The following TMEFF1 variants were observed in gnomAD, a reference collection of about 807,000 sequenced individuals.
The protein encoded by TMEFF1 is tomoregulin-1.
TMEFF1 carries 20 observed loss-of-function variants against 47.5 expected under a neutral mutation model. The observed-to-expected ratio is 0.42, with a 90% CI of 0.30 to 0.61. TMEFF1 has a LOEUF of 0.61. Ranked by LOEUF, TMEFF1 falls within the 20% of genes least tolerant of loss-of-function variation. The pLI, the probability that TMEFF1 is intolerant of heterozygous loss-of-function variation, is 0.19. For synonymous variants in TMEFF1, 162 were observed against 166.3 expected, an observed-to-expected ratio of 0.97 and a Z score of 0.20; for missense variants, 411 against 471.1, an observed-to-expected ratio of 0.87 and a Z score of 1.18.
intron 9 of TMEFF1, 26 bp from the exon 10 acceptor site, chr9:100,576,486 TTTTC>T: frequency 6.2e-7 from 1 of 1,601,932 alleles, no homozygotes; most frequent in South Asian, 1.1e-5. Flanking sequence ...AAAACAATAT[TTTTC>T]TCTCTTTCTT....
At chr9:100,546,245 G>A (rs961096921) in intron 5 of TMEFF1, among the ~76,000 whole-genome samples, 4 of 152,126 alleles carry the variant, frequency 2.6e-5, no homozygotes, top group South Asian at 2.1e-4. Flanking sequence ...CCAGACCCAC[G>A]TGGCTGGGGA....
intron 1 of TMEFF1, among the ~76,000 whole-genome samples, chr9:100,491,349 C>G (rs1039998259): frequency 2.6e-5 from 4 of 152,154 alleles, no homozygotes; most frequent in African/African-American, 9.7e-5. Flanking sequence ...TCTCCAAATA[C>G]TACTAACATC....
chr9:100,478,717 A>G (rs1215152741), intron 1 of TMEFF1, among the ~76,000 whole-genome samples: 2 of 152,166 alleles, frequency 1.3e-5, no homozygotes, highest in East Asian at 3.8e-4. Flanking sequence ...TACATGACAT[A>G]TGTGAAGAAA....
At chr9:100,535,647 T>G (rs1838488751) in intron 5 of TMEFF1, among the ~76,000 whole-genome samples, 1 of 152,212 alleles carries the variant, frequency 6.6e-6, no homozygotes, top group Non-Finnish European at 1.5e-5. Context: ...GGCATGTGCC[T>G]GTAATCTTAG....
intron 8 of TMEFF1, among the ~76,000 whole-genome samples, chr9:100,561,914 G>A (rs1212678644): frequency 2.0e-5 from 3 of 152,130 alleles, no homozygotes; most frequent in Non-Finnish European, 4.4e-5. Context: ...ATAAGGGGAT[G>A]GGGACGAAGA....
chr9:100,558,425 G>A (rs1398109222), intron 7 of TMEFF1, among the ~76,000 whole-genome samples: 2 of 151,978 alleles, frequency 1.3e-5, no homozygotes, highest in African/African-American at 4.8e-5. Flanking sequence ...GGAATGTAGA[G>A]TGGCATTTTT....
chr9:100,517,743 C>T (rs544276241), intron 5 of TMEFF1, among the ~76,000 whole-genome samples: 3 of 152,130 alleles, frequency 2.0e-5, no homozygotes, highest in Admixed American at 6.5e-5. Flanking sequence ...TGACCCATGT[C>T]CATTCATTTC....
At chr9:100,551,560 G>T (rs1400776018) in intron 7 of TMEFF1, among the ~76,000 whole-genome samples, 1 of 152,160 alleles carries the variant, frequency 6.6e-6, no homozygotes, top group African/African-American at 2.4e-5. Context: ...GCAGTTTGGG[G>T]AATTGTGTGT....
intron 5 of TMEFF1, among the ~76,000 whole-genome samples, chr9:100,542,322 T>A (rs931528071): frequency 3.3e-5 from 5 of 152,222 alleles, no homozygotes; most frequent in African/African-American, 1.2e-4. Flanking sequence ...CTTAAAAAAA[T>A]TTAACCACAC....
intron 2 of TMEFF1, 135 bp from the exon 3 acceptor site, chr9:100,508,870 C>CT: frequency 2.5e-5 from 25 of 997,164 alleles, no homozygotes; most frequent in Non-Finnish European, 3.1e-5. Context: ...TCTTTTTAAG[C>CT]CAAAAAAAAA....
At chr9:100,502,407 G>A (rs370934850) in intron 2 of TMEFF1, among the ~76,000 whole-genome samples, 7 of 151,630 alleles carry the variant, frequency 4.6e-5, no homozygotes, top group African/African-American at 1.2e-4. Flanking sequence ...TTGCCTAGGC[G>A]GGAGTGCAGT....
intron 1 of TMEFF1, among the ~76,000 whole-genome samples, chr9:100,497,193 A>G (rs1837665910): frequency 6.6e-6 from 1 of 152,132 alleles, no homozygotes. Context: ...CCAAGGACAT[A>G]AAGCTTCCAC....
At chr9:100,573,302 T>A (rs1273571890) in intron 9 of TMEFF1, among the ~76,000 whole-genome samples, 1 of 152,156 alleles carries the variant, frequency 6.6e-6, no homozygotes, top group South Asian at 2.1e-4. Context: ...GATATCATGG[T>A]GTTAACATTA....
At chr9:100,541,433 G>A (rs896186124) in intron 5 of TMEFF1, among the ~76,000 whole-genome samples, 1 of 148,422 alleles carries the variant, frequency 6.7e-6, no homozygotes, top group East Asian at 2.0e-4. Context: ...GAGTGCAGTG[G>A]CGCTATCTTG....
In TMEFF1 at chr9:100,533,262, C is replaced by A. The variant is rs144426927; in HGVS notation, c.561-14482C>A. On this transcript the variant is annotated intron_variant, in intron 5 of 9. Coordinates refer to ENST00000374879, the MANE Select transcript of TMEFF1 (RefSeq NM_003692.5). ...ATAATAAAAAAAAAATGCCTGGATC[C>A]GATGCTATCTTTAAGGGACTTTTTA... Among the ~76,000 whole-genome samples the A allele has an allele frequency of 3.3e-5, 5 of 151,986 alleles. No individual in the cohort carries two copies. The East Asian group carries it at 9.7e-4, about 29-fold the overall frequency.
At chr9:100,489,170 C>T (rs939661523) in intron 1 of TMEFF1, among the ~76,000 whole-genome samples, 1 of 152,046 alleles carries the variant, frequency 6.6e-6, no homozygotes, top group Non-Finnish European at 1.5e-5. Flanking sequence ...CAATGTGTAG[C>T]CTTTTGTGCC....
At chr9:100,480,800 AACTG>A (rs1184059224) in intron 1 of TMEFF1, among the ~76,000 whole-genome samples, 2 of 152,228 alleles carry the variant, frequency 1.3e-5, no homozygotes, top group African/African-American at 4.8e-5. Flanking sequence ...TTTCTGCCTT[AACTG>A]ACTTTTTTGG....
chr9:100,498,937 TTCA>T, intron 2 of TMEFF1, 63 bp downstream of exon 2: 1 of 1,549,194 alleles, frequency 6.5e-7, no homozygotes, highest in Non-Finnish European at 8.7e-7. Context: ...TTCTAAATTC[TTCA>T]AATTAAAAAA....
At chr9:100,484,997 G>C (rs1837422674) in intron 1 of TMEFF1, among the ~76,000 whole-genome samples, 1 of 152,138 alleles carries the variant, frequency 6.6e-6, no homozygotes, top group African/African-American at 2.4e-5. Flanking sequence ...ATCTTTTGCT[G>C]TAGATTTGTC....
Sources: allele counts gnomAD v4.1 joint callset (sites outside exome capture counted in the v4.1 genomes callset), GRCh38; gene constraint gnomAD v4.1.1; transcripts MANE v1.5; gene names NCBI Gene and HGNC (gene_info 2026-07-23, HGNC 2026-07-21).